MGAT5: variants seen among roughly 807,000 people sequenced by gnomAD.
MGAT5 encodes the protein alpha-1,6-mannosylglycoprotein 6-beta-N-acetylglucosaminyltransferase, also known as alpha-1,6-mannosylglycoprotein 6-beta-N-acetylglucosaminyltransferase A.
A neutral mutation model predicts 94.3 loss-of-function variants in MGAT5; 30 were observed. The ratio of observed to expected loss-of-function variants is 0.32; its 90% CI spans 0.24 to 0.43. The LOEUF (loss-of-function observed/expected upper bound fraction) is 0.43. Among genes scored for constraint, MGAT5 ranks in the 20% least tolerant of loss-of-function variants. The probability of loss-of-function intolerance (pLI) is 1.00; values close to 1 mark genes in which losing one functional copy is unlikely to be tolerated. For synonymous variants in MGAT5, 310 were observed against 322.9 expected (o/e 0.96, Z 0.43); for missense variants, 691 against 905.5 (o/e 0.76, Z 3.04).
At chr2:134,372,131 C>G (rs1680846418) in intron 10 of MGAT5, among the ~76,000 whole-genome samples, 1 of 152,146 alleles carries the variant, frequency 6.6e-6, no homozygotes, top group South Asian at 2.1e-4. Flanking sequence ...GGTAGCCACC[C>G]ATTTTCCTTG....
At chr2:134,205,733 G>T (rs1394458143) in intron 1 of MGAT5, among the ~76,000 whole-genome samples, 1 of 152,174 alleles carries the variant, frequency 6.6e-6, no homozygotes, top group African/African-American at 2.4e-5. Context: ...GTGGGACAGG[G>T]TACACTTGCT....
intron 2 of MGAT5, among the ~76,000 whole-genome samples, chr2:134,271,184 C>T (rs1427190326): frequency 6.6e-6 from 1 of 152,098 alleles, no homozygotes; most frequent in African/African-American, 2.4e-5. Flanking sequence ...CCAGATTATA[C>T]GCTGCATGTT....
intron 4 of MGAT5, chr2:134,319,659 T>C (rs1422137519): frequency 3.4e-6 from 1 of 290,612 alleles, no homozygotes. Flanking sequence ...TTCTGGTTGC[T>C]GATAGGCTTT....
At chr2:134,167,923 G>C (rs1417712500) in intron 1 of MGAT5, among the ~76,000 whole-genome samples, 1 of 152,164 alleles carries the variant, frequency 6.6e-6, no homozygotes, top group Admixed American at 6.5e-5. Context: ...GGGACCATTT[G>C]TAGGACAGCA....
Position 134,409,568 on chromosome 2 carries a change from C to T in MGAT5, c.1531-3301C>T, listed in dbSNP as rs184519421. On this transcript the variant is annotated intron_variant, in intron 11 of 15. Coordinates refer to ENST00000281923, the MANE Select transcript of MGAT5 (RefSeq NM_002410.5). Reference sequence around the variant, plus strand: ...CGGGGGTGATTCATTGCTCAGTTTCCCTCTAGAGTCACCATGCCAACTTCG... The same window carrying T: ...CGGGGGTGATTCATTGCTCAGTTTCTCTCTAGAGTCACCATGCCAACTTCG... Among the ~76,000 whole-genome samples the T allele has an allele frequency of 2.0e-5, 3 of 152,248 alleles. No homozygotes were observed. The East Asian group carries it at 5.8e-4, about 29-fold the overall frequency.
At chr2:134,434,677 T>C (rs1048847472) in intron 14 of MGAT5, among the ~76,000 whole-genome samples, 2 of 151,908 alleles carry the variant, frequency 1.3e-5, no homozygotes, top group South Asian at 2.1e-4. Context: ...CTAACTTCCA[T>C]ACAGCCTACA....
intron 2 of MGAT5, among the ~76,000 whole-genome samples, chr2:134,316,084 A>G (rs1686981211): frequency 6.6e-6 from 1 of 152,158 alleles, no homozygotes; most frequent in Non-Finnish European, 1.5e-5. Flanking sequence ...AGGTAATGAT[A>G]TTTTCCAGAC....
intron 1 of MGAT5, among the ~76,000 whole-genome samples, chr2:134,147,181 G>A (rs147623014): frequency 1.0e-3 from 153 of 152,262 alleles, no homozygotes; most frequent in African/African-American, 3.4e-3. Context: ...TTAGTAAAAT[G>A]GGATAATGGT....
chr2:134,401,688 C>T (rs1263061100), intron 10 of MGAT5, among the ~76,000 whole-genome samples: 1 of 152,182 alleles, frequency 6.6e-6, no homozygotes, highest in Non-Finnish European at 1.5e-5. Context: ...TGCGGCCATA[C>T]CAGACATGGC....
chr2:134,181,866 C>A (rs995977129), intron 1 of MGAT5, among the ~76,000 whole-genome samples: 3 of 152,230 alleles, frequency 2.0e-5, no homozygotes, highest in African/African-American at 7.2e-5. Context: ...CCTCTAGGTG[C>A]AGTTCACATC....
At chr2:134,270,668 G>T in intron 2 of MGAT5, 118 bp downstream of exon 2, 1 of 1,000,096 alleles carries the variant, frequency 1.0e-6, no homozygotes, top group South Asian at 2.0e-5. Flanking sequence ...CTATAAACTT[G>T]GCATGGCCAT....
chr2:134,438,599 G>A (rs111794590), intron 14 of MGAT5, among the ~76,000 whole-genome samples: 1 of 152,206 alleles, frequency 6.6e-6, no homozygotes, highest in Admixed American at 6.5e-5. Context: ...CCCATTCAGG[G>A]TCTCACAGGT....
chr2:134,279,260 C>T (rs948240729), intron 2 of MGAT5, among the ~76,000 whole-genome samples: 10 of 152,150 alleles, frequency 6.6e-5, no homozygotes, highest in African/African-American at 2.4e-4. Context: ...TTTTGGAATT[C>T]CCAGAAGCAC....
intron 1 of MGAT5, among the ~76,000 whole-genome samples, chr2:134,177,477 C>G (rs868430291): frequency 6.6e-6 from 1 of 152,156 alleles, no homozygotes; most frequent in Non-Finnish European, 1.5e-5. Flanking sequence ...CCTGGTCACC[C>G]CTGGCAGGGA....
At chr2:134,127,568 T>C (rs1375802841) in intron 1 of MGAT5, among the ~76,000 whole-genome samples, 1 of 128,874 alleles carries the variant, frequency 7.8e-6, no homozygotes, top group African/African-American at 2.9e-5. Context: ...AAGAAAGGAG[T>C]GTCATGGAGC....
intron 1 of MGAT5, among the ~76,000 whole-genome samples, chr2:134,257,616 G>A (rs1683052062): frequency 6.6e-6 from 1 of 152,148 alleles, no homozygotes; most frequent in African/African-American, 2.4e-5. Context: ...ATTGTACTAG[G>A]GATTAGTTAG....
At chr2:134,413,404 T>G (rs1447631781) in intron 12 of MGAT5, among the ~76,000 whole-genome samples, 1 of 152,152 alleles carries the variant, frequency 6.6e-6, no homozygotes, top group African/African-American at 2.4e-5. Context: ...CTGTGGGAGT[T>G]TTCAAAGAGC....
intron 10 of MGAT5, among the ~76,000 whole-genome samples, chr2:134,387,312 ATATATATATATATATATATATT>A (rs1179031731): frequency 0.012 from 321 of 26,562 alleles, 23 homozygotes; most frequent in African/African-American, 0.044. Context: ...ATATATATAT[ATATATATATATATATATATATT>A]TTTTTTTTTT....
At chr2:134,416,947 C>CT (rs1684011816) in intron 12 of MGAT5, among the ~76,000 whole-genome samples, 1 of 150,854 alleles carries the variant, frequency 6.6e-6, no homozygotes, top group African/African-American at 2.4e-5. Flanking sequence ...TATTTCACTC[C>CT]TTTTTATGAA....
Sources: gnomAD v4.1 joint callset for allele counts (sites outside exome capture counted in the v4.1 genomes callset) on GRCh38, gnomAD v4.1.1 for gene constraint, MANE v1.5 for transcripts, NCBI Gene and HGNC (gene_info 2026-07-23, HGNC 2026-07-21) for gene names.